The following ITM2B variants were observed in gnomAD, a reference collection of about 807,000 sequenced individuals.
The protein encoded by ITM2B is integral membrane protein 2B.
ITM2B carries 11 observed loss-of-function variants against 27.8 expected under a neutral mutation model. The ratio of observed to expected loss-of-function variants is 0.40; its 90% CI spans 0.25 to 0.66. The LOEUF is 0.66. ITM2B is among the 30% of genes least tolerant of loss of function. ITM2B has a pLI of 0.43. For synonymous variants in ITM2B, 114 were observed against 114.3 expected (o/e 1.00, Z 0.02); for missense variants, 296 against 328.9 (o/e 0.90, Z 0.77).
chr13:48,255,697 A>T (rs1428606156), intron 2 of ITM2B, among the ~76,000 whole-genome samples: 1 of 152,254 alleles, frequency 6.6e-6, no homozygotes, highest in Admixed American at 6.5e-5. Context: ...TAAAGGGAAA[A>T]GTAGAACTAC....
chr13:48,261,313 T>G lies in ITM2B; in HGVS notation c.*89T>G. ...TGTGCAGTGATTATTTTTTAAAGTC[T>G]TCTTTCATGTAAGTAGCAAACAGGG... On this transcript the variant is annotated 3_prime_UTR_variant, in exon 6 of 6. Coordinates refer to ENST00000647800, the MANE Select transcript of ITM2B (RefSeq NM_021999.5). 1 of 906,542 alleles carries G rather than the reference T, an allele frequency of 1.1e-6. No individual in the cohort carries two copies. The highest frequency in any genetic ancestry group is 1.8e-6 in the Non-Finnish European group (1 of 546,916). The allele number at this position is 906,542 out of a possible 1,614,324, so 56.2% of individuals were successfully genotyped here.
chr13:48,253,929 C>T lies in ITM2B; in HGVS notation c.239C>T (p.Ala80Val). 1.2e-6 allele frequency: 2 copies of T among 1,611,694 alleles called. No individual in the cohort carries two copies. Among genetic ancestry groups the T allele is most frequent in the African/African-American group, 1.3e-5 (1 of 74,632 alleles). ...GGAGCATACTTGTACAAATATTTTG[C>T]ACTTCAAGTAAGTGGAAAAATTATT... ...LGGAYLYKYFALQPDDVYYCG... is the reference protein window; with the variant it reads ...LGGAYLYKYFVLQPDDVYYCG... The change falls in exon 2 of 6, where the codon GCA (alanine) becomes GTA (valine). Residue 80 changes from alanine (A) to valine (V), a missense_variant. Transcript: ENST00000647800.
chr13:48,247,933 C>T (rs1443177173), intron 1 of ITM2B, among the ~76,000 whole-genome samples: 1 of 151,956 alleles, frequency 6.6e-6, no homozygotes, highest in Non-Finnish European at 1.5e-5. Flanking sequence ...GATAATTGTA[C>T]AGCACCTGTG....
intron 1 of ITM2B, among the ~76,000 whole-genome samples, chr13:48,251,806 T>G (rs1951757691): frequency 6.6e-6 from 1 of 152,166 alleles, no homozygotes; most frequent in Admixed American, 6.6e-5. Context: ...ATTAATTATG[T>G]TAGGAATGAT....
intron 1 of ITM2B, among the ~76,000 whole-genome samples, chr13:48,241,586 T>C (rs918320864): frequency 3.3e-5 from 5 of 152,218 alleles, no homozygotes; most frequent in African/African-American, 1.2e-4. Context: ...AACTCCTTTA[T>C]AGTCTTAAAA....
intron 5 of ITM2B, 89 bp from the exon 6 acceptor site, chr13:48,261,050 T>C (rs1951818765): frequency 2.3e-6 from 2 of 863,212 alleles, no homozygotes; most frequent in East Asian, 2.7e-5. Flanking sequence ...GAAATACTTC[T>C]ATATGTCTAA....
chr13:48,258,120 TC>T lies in ITM2B; in HGVS notation c.454-3del, dbSNP rs747826043. On this transcript the variant is annotated splice_polypyrimidine_tract_variant and splice_region_variant and intron_variant, in intron 3 of 5. Transcript: ENST00000647800. ...CTGTAACTACACTGTATCTTTTTCT[TC>T]CCAGAAACTTACAGCCTATTTAGAT... 22 of 1,415,472 alleles carry T rather than the reference TC, an allele frequency of 1.6e-5. No homozygotes were observed. In the East Asian group the frequency reaches 5.0e-4, roughly 32 times the overall value. The allele number at this position is 1,415,472 out of a possible 1,614,324, so 87.7% of individuals were successfully genotyped here. A position where few individuals can be genotyped will look rare whatever the true frequency, so the allele number is the denominator to read the frequency against.
chr13:48,253,791 T>C lies in ITM2B; in HGVS notation c.118-17T>C. 6.2e-7 allele frequency: 1 copy of C among 1,612,382 alleles called. No homozygotes were observed. Among genetic ancestry groups the C allele is most frequent in the Non-Finnish European group, 8.5e-7 (1 of 1,178,448 alleles). On this transcript the variant is annotated splice_polypyrimidine_tract_variant and intron_variant, in intron 1 of 5. Transcript: ENST00000647800. The stretch of plus-strand genomic sequence containing the variant: ...TGTCTGGAGATAAGATATTTAACTG[T>C]CTTTTTCATATTTTAGGACCCAGAT...
chr13:48,256,727 A>G (rs1193914513), intron 3 of ITM2B, among the ~76,000 whole-genome samples: 2 of 152,110 alleles, frequency 1.3e-5, no homozygotes, highest in Admixed American at 1.3e-4. Context: ...AATTTTGTTA[A>G]TCTGTTTTTA....
chr13:48,235,806 A>C (rs1219689899), intron 1 of ITM2B, among the ~76,000 whole-genome samples: 1 of 152,230 alleles, frequency 6.6e-6, no homozygotes, highest in Non-Finnish European at 1.5e-5. Flanking sequence ...ACTCCTGAAC[A>C]AGAATTTTTC....
Position 48,240,339 on chromosome 13 carries a change from G to A in ITM2B, c.117+6862G>A, listed in dbSNP as rs1174251746. On this transcript the variant is annotated intron_variant, in intron 1 of 5. Transcript: ENST00000647800. ...TCCTGCCTCAGCTTCCCAAGTAGCT[G>A]GGATTACAGGCACCTGCCACTATGC... Among the ~76,000 whole-genome samples, 6 of 152,204 alleles carry A rather than the reference G, an allele frequency of 3.9e-5. No individual in the cohort carries two copies. In the East Asian group the frequency reaches 7.7e-4, roughly 20 times the overall value.
Position 48,258,197 on chromosome 13 carries a change from GC to G in ITM2B, c.527del (p.Pro176HisfsTer23). On this transcript the variant is annotated frameshift_variant, in exon 4 of 6. Coordinates refer to ENST00000647800, the MANE Select transcript of ITM2B (RefSeq NM_021999.5). LOFTEE classifies it high-confidence loss of function. ...TCCCTCTGAACACTTCCATTGTTAT[GC>G]CACCCAGAAACCTACTGGAGTTACT... ...VIPLNTSIVM[P>X]PRNLLELLIN... The G allele has an allele frequency of 6.2e-7, 1 of 1,600,980 alleles. No individual in the cohort carries two copies. The highest frequency in any genetic ancestry group is 8.6e-7 in the Non-Finnish European group (1 of 1,168,362).
At chr13:48,258,763 G>A (rs750219288) in intron 4 of ITM2B, 34 bp from the exon 5 acceptor site, 1 of 1,603,864 alleles carries the variant, frequency 6.2e-7, no homozygotes, top group African/African-American at 1.3e-5. Flanking sequence ...TATGTTCTGA[G>A]ATAGTCATGT....
intron 1 of ITM2B, among the ~76,000 whole-genome samples, chr13:48,251,594 T>C (rs992148349): frequency 6.6e-6 from 1 of 152,204 alleles, no homozygotes; most frequent in African/African-American, 2.4e-5. Context: ...TGTCATCAAT[T>C]TGCCAGTTGG....
chr13:48,234,451 TTTG>T (rs1187772735), intron 1 of ITM2B, among the ~76,000 whole-genome samples: 1 of 152,138 alleles, frequency 6.6e-6, no homozygotes, highest in South Asian at 2.1e-4. Flanking sequence ...TATCTTATTT[TTTG>T]TTGTTGTTAG....
At chr13:48,254,330 C>CT (rs1421574811) in intron 2 of ITM2B, among the ~76,000 whole-genome samples, 8 of 152,192 alleles carry the variant, frequency 5.3e-5, no homozygotes, top group African/African-American at 1.9e-4. Context: ...TTGGACTCCC[C>CT]TATGGTCCTG....
In ITM2B at chr13:48,270,189, A is replaced by G. The variant is rs186268538; in HGVS notation, c.*8965A>G. ...CCTGTGGCTATGAGCATTGCTCCTT[A>G]TCTATGCCTCTGCTCTTAGACTTTT... is the stretch of plus-strand genomic sequence containing the variant. On this transcript the variant is annotated 3_prime_UTR_variant, in exon 6 of 6. Coordinates refer to ENST00000647800, the MANE Select transcript of ITM2B (RefSeq NM_021999.5). The G allele has an allele frequency of 7.2e-4, 109 of 152,344 alleles. No individual in the cohort carries two copies. Among genetic ancestry groups the G allele is most frequent in the African/African-American group, 2.5e-3 (105 of 41,564 alleles). 9.4% of individuals were successfully genotyped at this position (152,344 alleles called of 1,614,324 possible). A position where few individuals can be genotyped will look rare whatever the true frequency, so the allele number is the denominator to read the frequency against.
rs766505451 is a variant in ITM2B, at chr13:48,264,895, G to T, written c.*3671G>T. On this transcript the variant is annotated 3_prime_UTR_variant, in exon 6 of 6. Coordinates refer to ENST00000647800, the MANE Select transcript of ITM2B (RefSeq NM_021999.5). Reference sequence around the variant, plus strand: ...TTAAGCACAATTTAAGATTTTTTTTGAAATATTTACTGAATTTTGAGGCCA... The same window carrying T: ...TTAAGCACAATTTAAGATTTTTTTTTAAATATTTACTGAATTTTGAGGCCA... 7 of 151,694 alleles carry T rather than the reference G, an allele frequency of 4.6e-5. No individual in the cohort carries two copies. The highest frequency in any genetic ancestry group is 8.8e-5 in the Non-Finnish European group (6 of 67,908). The allele number at this position is 151,694 out of a possible 1,614,324, so 9.4% of individuals were successfully genotyped here.
In ITM2B at chr13:48,261,182, T is replaced by C; in HGVS notation, c.759T>C (p.His253=). The C allele has an allele frequency of 6.2e-7, 1 of 1,612,524 alleles. No homozygotes were observed. Residue 253 remains histidine (H), a synonymous_variant, in exon 6 of 6, where the codon CAT becomes CAC. Coordinates refer to ENST00000647800, the MANE Select transcript of ITM2B (RefSeq NM_021999.5). ...CCAGCAATTGTTTCGCAATTCGGCATTTTGAAAACAAATTTGCCGTGGAAA... is the reference window on the plus strand; with the variant it reads ...CCAGCAATTGTTTCGCAATTCGGCACTTTGAAAACAAATTTGCCGTGGAAA... ...REASNCFAIR[H]FENKFAVETL... is the part of the protein sequence containing the mutation.
Sources: allele counts gnomAD v4.1 joint callset (sites outside exome capture counted in the v4.1 genomes callset), GRCh38; gene constraint gnomAD v4.1.1; transcripts MANE v1.5; gene names NCBI Gene and HGNC (gene_info 2026-07-23, HGNC 2026-07-21).